The following PACRG variants were observed in gnomAD, a reference collection of about 807,000 sequenced individuals.
The protein encoded by PACRG is parkin coregulated.
PACRG carries 29 observed loss-of-function variants against 29.7 expected under a neutral mutation model. That is an observed-to-expected ratio of 0.98 (90% CI 0.73 to 1.33). PACRG has a LOEUF of 1.33. Among genes scored for constraint, PACRG ranks in the 40% most tolerant of loss-of-function variants. PACRG has a pLI of 0.00. For missense variants in PACRG, 279 were observed against 316.2 expected (o/e 0.88, Z 0.89); for synonymous variants, 116 against 118.7 (o/e 0.98, Z 0.15).
At chr6:162,753,770 A>G (rs1298632488) in intron 1 of PACRG, among the ~76,000 whole-genome samples, 1 of 152,106 alleles carries the variant, frequency 6.6e-6, no homozygotes, top group Admixed American at 6.5e-5. Flanking sequence ...ACTATGTAAG[A>G]CATGCCTTGC....
At position 162,760,193 on chromosome 6, in the gene PACRG, C is replaced by G. The variant is rs894123705; in HGVS notation, c.156+31802C>G. ...CTCTAGGCAAGGCTACTCCAGTATG[C>G]TAAGCACGATCCTTCAGAAAAGGTT... On this transcript the variant is annotated intron_variant, in intron 1 of 4. Coordinates refer to ENST00000366888, the MANE Select transcript of PACRG (RefSeq NM_001080379.2). Among the ~76,000 whole-genome samples, 11 of 151,866 alleles carry G rather than the reference C, an allele frequency of 7.2e-5. No homozygotes were observed. The South Asian group carries it at 2.3e-3, about 31-fold the overall frequency.
At chr6:163,145,680 G>A (rs112796780) in intron 4 of PACRG, among the ~76,000 whole-genome samples, 130 of 152,328 alleles carry the variant, frequency 8.5e-4, no homozygotes, top group African/African-American at 2.9e-3. Context: ...GACAGAAAGC[G>A]TCAGTACCTG....
intron 4 of PACRG, among the ~76,000 whole-genome samples, chr6:163,286,861 T>C (rs1784418890): frequency 6.6e-6 from 1 of 152,244 alleles, no homozygotes; most frequent in Admixed American, 6.5e-5. Context: ...TATTTATGTG[T>C]GTGTTTATGT....
intron 1 of PACRG, among the ~76,000 whole-genome samples, chr6:162,772,704 A>G (rs1783314634): frequency 6.6e-6 from 1 of 152,202 alleles, no homozygotes; most frequent in Non-Finnish European, 1.5e-5. Context: ...ACCTGGCAGC[A>G]ATACAAAGAG....
intron 4 of PACRG, among the ~76,000 whole-genome samples, chr6:163,163,425 C>A (rs999021002): frequency 6.6e-6 from 1 of 152,180 alleles, no homozygotes; most frequent in African/African-American, 2.4e-5. Context: ...GCAACTGCCA[C>A]CACGCCCGAC....
chr6:162,933,667 A>T (rs1441208665), intron 2 of PACRG, among the ~76,000 whole-genome samples: 1 of 133,764 alleles, frequency 7.5e-6, no homozygotes, highest in African/African-American at 2.9e-5. Flanking sequence ...CTACTCCTGC[A>T]CACTCTTGGT....
rs145068353 is a variant in PACRG, at chr6:162,934,564, C to T, written c.291+120283C>T. Among the ~76,000 whole-genome samples the T allele has an allele frequency of 2.0e-3, 310 of 152,234 alleles. 2 individuals carry two copies. The highest frequency in any genetic ancestry group is 7.0e-3 in the African/African-American group (291 of 41,540). On this transcript the variant is annotated intron_variant, in intron 2 of 4. Transcript: ENST00000366888. ...TATTTATCATGTAGCCAGTCTATATCTTTTAGGTGGGGAATTTAAACCCTT... is the reference window on the plus strand; with the variant it reads ...TATTTATCATGTAGCCAGTCTATATTTTTTAGGTGGGGAATTTAAACCCTT...
intron 4 of PACRG, among the ~76,000 whole-genome samples, chr6:163,160,121 C>T (rs2128341664): frequency 6.6e-6 from 1 of 152,300 alleles, no homozygotes; most frequent in African/African-American, 2.4e-5. Context: ...TGGGTCTGTC[C>T]TCTGTCAAGT....
chr6:163,100,059 G>C (rs1040592716), intron 4 of PACRG, among the ~76,000 whole-genome samples: 20 of 152,208 alleles, frequency 1.3e-4, no homozygotes, highest in South Asian at 6.2e-4. Flanking sequence ...GAGGTCAGGA[G>C]GGCGGGAGTG....
At chr6:163,143,059 G>A (rs1777619127) in intron 4 of PACRG, among the ~76,000 whole-genome samples, 1 of 152,180 alleles carries the variant, frequency 6.6e-6, no homozygotes, top group African/African-American at 2.4e-5. Flanking sequence ...CTGAAGCTTA[G>A]TTAAAAGGAA....
intron 1 of PACRG, among the ~76,000 whole-genome samples, chr6:162,739,329 A>G (rs1015088189): frequency 2.6e-5 from 4 of 151,784 alleles, no homozygotes; most frequent in Non-Finnish European, 5.9e-5. Context: ...GCCTTTGCCC[A>G]TTTTTTCTGT....
intron 3 of PACRG, among the ~76,000 whole-genome samples, chr6:163,070,958 A>T (rs1034897482): frequency 6.6e-6 from 1 of 152,050 alleles, no homozygotes; most frequent in East Asian, 1.9e-4. Flanking sequence ...AGAAACAAAG[A>T]TATAATGATA....
In PACRG at chr6:163,217,975, C is replaced by T. The variant is rs888871893; in HGVS notation, c.614-96852C>T. ...CACAATCAATGTAATGCACTTGAAC[C>T]GTGAAACCCTCCCCGACACTGGTCC... On this transcript the variant is annotated intron_variant, in intron 4 of 4. Transcript: ENST00000366888. Among the ~76,000 whole-genome samples, 7 of 152,036 alleles carry T rather than the reference C, an allele frequency of 4.6e-5. No individual in the cohort carries two copies. In the South Asian group the frequency reaches 8.3e-4, roughly 18 times the overall value.
At chr6:163,022,776 C>T (rs952713029) in intron 2 of PACRG, among the ~76,000 whole-genome samples, 5 of 152,164 alleles carry the variant, frequency 3.3e-5, no homozygotes, top group African/African-American at 9.7e-5. Context: ...AAATTTCCTT[C>T]GATTTGTCCT....
At chr6:163,174,600 C>G (rs1779256610) in intron 4 of PACRG, among the ~76,000 whole-genome samples, 1 of 152,182 alleles carries the variant, frequency 6.6e-6, no homozygotes. Context: ...AAGTAAGGGT[C>G]TCTATTTTAA....
At chr6:162,981,242 T>G (rs961207554) in intron 2 of PACRG, among the ~76,000 whole-genome samples, 2 of 151,116 alleles carry the variant, frequency 1.3e-5, no homozygotes, top group African/African-American at 4.9e-5. Flanking sequence ...CTGAGTAGTA[T>G]TCCATGGTGT....
At chr6:162,858,349 G>A (rs1388706348) in intron 2 of PACRG, among the ~76,000 whole-genome samples, 2 of 151,980 alleles carry the variant, frequency 1.3e-5, no homozygotes, top group South Asian at 2.1e-4. Flanking sequence ...GAACTCACTC[G>A]CTATTATGAG....
intron 4 of PACRG, among the ~76,000 whole-genome samples, chr6:163,308,181 G>A (rs749272815): frequency 2.0e-5 from 3 of 151,472 alleles, no homozygotes; most frequent in African/African-American, 4.9e-5. Context: ...TTCTAAATTC[G>A]CAAACATTAT....
intron 2 of PACRG, among the ~76,000 whole-genome samples, chr6:162,965,732 T>C (rs1189718475): frequency 9.2e-5 from 14 of 152,200 alleles, no homozygotes; most frequent in South Asian, 2.1e-4. Context: ...CTTTAGAAGA[T>C]GGAATTCATG....
Sources: allele counts gnomAD v4.1 joint callset (sites outside exome capture counted in the v4.1 genomes callset), GRCh38; gene constraint gnomAD v4.1.1; transcripts MANE v1.5; gene names NCBI Gene and HGNC (gene_info 2026-07-23, HGNC 2026-07-21).